UBXN2B: variants seen among roughly 807,000 people sequenced by gnomAD.
UBXN2B encodes the protein UBX domain-containing protein 2B.
A neutral mutation model predicts 37.5 loss-of-function variants in UBXN2B; 19 were observed. That is an observed-to-expected ratio of 0.51 (90% CI 0.35 to 0.74). The LOEUF is 0.74. Among genes scored for constraint, UBXN2B ranks in the 30% least tolerant of loss-of-function variants. UBXN2B has a pLI of 0.01. For missense variants in UBXN2B, 370 were observed against 393.2 expected, an observed-to-expected ratio of 0.94 and a Z score of 0.50; for synonymous variants, 145 against 143.8, an observed-to-expected ratio of 1.01 and a Z score of -0.06.
Position 58,449,788 on chromosome 8 carries a change from C to T in UBXN2B, c.*2237C>T, listed in dbSNP as rs915329493. 6.6e-6 allele frequency: 1 copy of T among 152,198 alleles called. No individual in the cohort carries two copies. Among genetic ancestry groups the T allele is most frequent in the Non-Finnish European group, 1.5e-5 (1 of 68,044 alleles). 9.4% of individuals were successfully genotyped at this position (152,198 alleles called of 1,614,324 possible). A position where few individuals can be genotyped will look rare whatever the true frequency, so the allele number is the denominator to read the frequency against. On this transcript the variant is annotated 3_prime_UTR_variant, in exon 8 of 8. Transcript: ENST00000399598. Reference sequence around the variant, plus strand: ...CTTTACTTTTTCACAAAAGGTAGCACACGTTTGCAGCTGAGTATCAACTTA... The same window carrying T: ...CTTTACTTTTTCACAAAAGGTAGCATACGTTTGCAGCTGAGTATCAACTTA...
chr8:58,438,798 C>G (rs1169083902), intron 5 of UBXN2B, among the ~76,000 whole-genome samples: 1 of 152,106 alleles, frequency 6.6e-6, no homozygotes, highest in Non-Finnish European at 1.5e-5. Context: ...GTGAGAAGGA[C>G]ATGAGATTTG....
chr8:58,420,494 T>C lies in UBXN2B; in HGVS notation c.188+3541T>C, dbSNP rs145222173. 2.4e-3 allele frequency among the ~76,000 whole-genome samples: 361 copies of C among 152,344 alleles called. 3 individuals are homozygous for C. Among genetic ancestry groups the C allele is most frequent in the Middle Eastern group, 0.017 (5 of 294 alleles). On this transcript the variant is annotated intron_variant, in intron 2 of 7. Transcript: ENST00000399598. ...ATCAAAATGATGACATCCTAAAACA[T>C]ATTCCCTTTAAAAGATTTATCAATA...
At chr8:58,413,241 A>G (rs1454205625) in intron 1 of UBXN2B, 1 of 151,996 alleles carries the variant, frequency 6.6e-6, no homozygotes. Flanking sequence ...TGATTTCTTT[A>G]TGAATGTGAT....
chr8:58,426,809 CTG>C (rs1246516636), intron 2 of UBXN2B: 2 of 592,106 alleles, frequency 3.4e-6, no homozygotes, highest in South Asian at 1.5e-5. Flanking sequence ...AGCCAGCCGA[CTG>C]TGCACAGACC....
At chr8:58,418,445 A>G (rs1807841727) in intron 2 of UBXN2B, among the ~76,000 whole-genome samples, 1 of 152,176 alleles carries the variant, frequency 6.6e-6, no homozygotes, top group African/African-American at 2.4e-5. Flanking sequence ...TAGCTCAGCT[A>G]CATAATCTAA....
chr8:58,422,710 C>A (rs559600502), intron 2 of UBXN2B, among the ~76,000 whole-genome samples: 99 of 152,326 alleles, frequency 6.5e-4, no homozygotes, highest in Non-Finnish European at 1.0e-3. Context: ...GGTGGTGCTG[C>A]TTTCAAAAGC....
chr8:58,421,096 A>G (rs1807912952), intron 2 of UBXN2B, among the ~76,000 whole-genome samples: 1 of 152,228 alleles, frequency 6.6e-6, no homozygotes, highest in African/African-American at 2.4e-5. Flanking sequence ...CCCCTGAACT[A>G]AAAATAACTC....
chr8:58,438,696 A>G (rs945862617), intron 5 of UBXN2B, among the ~76,000 whole-genome samples: 1 of 152,196 alleles, frequency 6.6e-6, no homozygotes, highest in Admixed American at 6.5e-5. Flanking sequence ...AGATGGCTTG[A>G]ATCTCAGATG....
intron 2 of UBXN2B, among the ~76,000 whole-genome samples, chr8:58,421,628 A>G (rs1035673074): frequency 7.2e-5 from 11 of 152,116 alleles, no homozygotes; most frequent in African/African-American, 2.7e-4. Flanking sequence ...TTCCTCAGCA[A>G]CCACCTCTTT....
At position 58,449,970 on chromosome 8, in the gene UBXN2B, AT is replaced by A. The variant is rs1808768459; in HGVS notation, c.*2420del. The A allele has an allele frequency of 6.6e-6, 1 of 152,182 alleles. No individual in the cohort carries two copies. The highest frequency in any genetic ancestry group is 2.1e-4 in the South Asian group (1 of 4,838). 9.4% of individuals were successfully genotyped at this position (152,182 alleles called of 1,614,324 possible). A position where few individuals can be genotyped will look rare whatever the true frequency, so the allele number is the denominator to read the frequency against. ...GCTCCTCACGTATCTTTCCTGGAAAATCCTGTCTCTGTTTTTGGCTTTTTCT... is the reference window on the plus strand; with the variant it reads ...GCTCCTCACGTATCTTTCCTGGAAAACCTGTCTCTGTTTTTGGCTTTTTCT... On this transcript the variant is annotated 3_prime_UTR_variant, in exon 8 of 8. Transcript: ENST00000399598.
At position 58,450,469 on chromosome 8, in the gene UBXN2B, C is replaced by T. The variant is rs1808777846; in HGVS notation, c.*2918C>T. On this transcript the variant is annotated 3_prime_UTR_variant, in exon 8 of 8. Transcript: ENST00000399598. The stretch of plus-strand genomic sequence containing the variant: ...CCAGTAACATATTCCTCATTTTTTA[C>T]CAACAGTCTATTCATGATGATTTAG... 1 of 152,230 alleles carries T rather than the reference C, an allele frequency of 6.6e-6. No homozygotes were observed. The highest frequency in any genetic ancestry group is 6.5e-5 in the Admixed American group (1 of 15,276). The allele number at this position is 152,230 out of a possible 1,614,324, so 9.4% of individuals were successfully genotyped here.
intron 2 of UBXN2B, among the ~76,000 whole-genome samples, chr8:58,428,351 C>T (rs905251540): frequency 1.3e-5 from 2 of 152,068 alleles, no homozygotes; most frequent in Non-Finnish European, 2.9e-5. Flanking sequence ...AGGTTTTAGT[C>T]AGCACAATGA....
chr8:58,425,832 A>G (rs1411237763), intron 2 of UBXN2B: 9 of 1,178,866 alleles, frequency 7.6e-6, no homozygotes, highest in African/African-American at 3.0e-5. Flanking sequence ...CCAACATCGT[A>G]TTTCAGTTCC....
chr8:58,442,258 C>A (rs1284467352), intron 6 of UBXN2B, among the ~76,000 whole-genome samples: 2 of 152,004 alleles, frequency 1.3e-5, no homozygotes, highest in Non-Finnish European at 2.9e-5. Flanking sequence ...ATGATGTGAG[C>A]CTATGTGTTC....
intron 5 of UBXN2B, chr8:58,434,933 C>T (rs1478586302): frequency 3.9e-6 from 6 of 1,535,524 alleles, no homozygotes; most frequent in Non-Finnish European, 5.2e-6. Flanking sequence ...TTACTGCTGG[C>T]AGAAGATTTC....
chr8:58,419,900 C>T (rs889256148), intron 2 of UBXN2B, among the ~76,000 whole-genome samples: 1 of 152,228 alleles, frequency 6.6e-6, no homozygotes, highest in African/African-American at 2.4e-5. Flanking sequence ...GGGCCCTGTG[C>T]TTGGAGTAAT....
chr8:58,419,921 T>TAA (rs1301754220), intron 2 of UBXN2B, among the ~76,000 whole-genome samples: 1 of 152,238 alleles, frequency 6.6e-6, no homozygotes, highest in Non-Finnish European at 1.5e-5. Flanking sequence ...GCTTTGCTGT[T>TAA]ACTGTTTTGA....
At chr8:58,422,200 G>A (rs1348747095) in intron 2 of UBXN2B, among the ~76,000 whole-genome samples, 1 of 152,160 alleles carries the variant, frequency 6.6e-6, no homozygotes, top group African/African-American at 2.4e-5. Flanking sequence ...ATACCTTTAG[G>A]CCACACCCGT....
At chr8:58,439,796 A>G (rs754256719) in intron 6 of UBXN2B, 26 bp downstream of exon 6, 3 of 1,570,626 alleles carry the variant, frequency 1.9e-6, no homozygotes, top group Non-Finnish European at 2.6e-6. Flanking sequence ...TGAGAAAAAT[A>G]CCTTTGTTGA....
Sources: allele counts gnomAD v4.1 joint callset (sites outside exome capture counted in the v4.1 genomes callset), GRCh38; gene constraint gnomAD v4.1.1; transcripts MANE v1.5; gene names NCBI Gene and HGNC (gene_info 2026-07-23, HGNC 2026-07-21).